Variants in ANXA7 observed in about 807,000 individuals in gnomAD.
The protein encoded by ANXA7 is annexin VII.
ANXA7 carries 55 observed loss-of-function variants against 64.9 expected under a neutral mutation model. That is an observed-to-expected ratio of 0.85 (90% confidence interval 0.68 to 1.06). ANXA7 has a LOEUF of 1.06. Among genes scored for constraint, ANXA7 ranks in the 50% least tolerant of loss-of-function variants. ANXA7 has a pLI of 0.00. For missense variants in ANXA7, 548 were observed against 582.1 expected (o/e 0.94, Z 0.60); for synonymous variants, 200 against 192.4 (o/e 1.04, Z -0.33).
chr10:73,396,413 T>C, intron 5 of ANXA7, 106 bp downstream of exon 5: 1 of 795,396 alleles, frequency 1.3e-6, no homozygotes. Flanking sequence ...TAGTCTTCCA[T>C]TACTATAATG....
chr10:73,379,754 G>T (rs925476357), intron 11 of ANXA7, 125 bp downstream of exon 11: 2 of 921,064 alleles, frequency 2.2e-6, no homozygotes, highest in East Asian at 2.4e-5. Flanking sequence ...AACCCCAAAG[G>T]ATTAGATCAG....
chr10:73,402,243 T>C (rs570921767), intron 1 of ANXA7, among the ~76,000 whole-genome samples: 1 of 152,036 alleles, frequency 6.6e-6, no homozygotes, highest in African/African-American at 2.4e-5. Flanking sequence ...GGCTGGAGTA[T>C]AGTGGCACAA....
chr10:73,379,105 C>A, intron 11 of ANXA7, 82 bp from the exon 12 acceptor site: 1 of 911,024 alleles, frequency 1.1e-6, no homozygotes, highest in Non-Finnish European at 1.6e-6. Context: ...CACTTATAGC[C>A]TGCCTTTGAT....
rs111464796 is a variant in ANXA7, at chr10:73,395,806, C to A, written c.435+713G>T. 741 of 564,910 alleles carry A rather than the reference C, an allele frequency of 1.3e-3. 4 individuals are homozygous for A. Among genetic ancestry groups the A allele is most frequent in the African/African-American group, 9.0e-3 (465 of 51,820 alleles). The allele number at this position is 564,910 out of a possible 1,614,324, so 35.0% of individuals were successfully genotyped here. On this transcript the variant is annotated intron_variant, in intron 5 of 12. Transcript: ENST00000372921. Reference sequence around the variant, plus strand: ...CATCTCAAAAAAAAAAAAAAAGAAGCCATACGGAGTAGGGCAAATATTTGA... The same window carrying A: ...CATCTCAAAAAAAAAAAAAAAGAAGACATACGGAGTAGGGCAAATATTTGA...
intron 7 of ANXA7, 72 bp downstream of exon 7, chr10:73,387,617 A>G: frequency 2.6e-6 from 3 of 1,175,590 alleles, no homozygotes; most frequent in East Asian, 2.3e-5. Flanking sequence ...ATCAAAATAT[A>G]GTATCCAATC....
At chr10:73,408,446 C>T (rs1473708820) in intron 1 of ANXA7, 1 of 151,600 alleles carries the variant, frequency 6.6e-6, no homozygotes, top group Non-Finnish European at 1.5e-5. Flanking sequence ...ATTTGAAAGG[C>T]AATATGCAGT....
At chr10:73,412,129 G>A (rs903216492) in intron 1 of ANXA7, among the ~76,000 whole-genome samples, 2 of 152,120 alleles carry the variant, frequency 1.3e-5, no homozygotes, top group South Asian at 4.1e-4. Flanking sequence ...CTCCGCCTCC[G>A]GGGTTCAAGA....
At chr10:73,408,923 A>G (rs71471624) in intron 1 of ANXA7, among the ~76,000 whole-genome samples, 1 of 152,214 alleles carries the variant, frequency 6.6e-6, no homozygotes, top group Non-Finnish European at 1.5e-5. Context: ...AAAAACAAAA[A>G]CCATATGATC....
intron 5 of ANXA7, chr10:73,396,232 C>T (rs1204587909): frequency 2.9e-6 from 2 of 679,828 alleles, no homozygotes; most frequent in Non-Finnish European, 5.1e-6. Context: ...CTGGTAAGGG[C>T]AAGGAAGAGG....
In ANXA7 at chr10:73,382,902, A is replaced by T. The variant is rs187894977; in HGVS notation, c.918+273T>A. On this transcript the variant is annotated intron_variant, in intron 9 of 12. Coordinates refer to ENST00000372921, the MANE Select transcript of ANXA7 (RefSeq NM_001156.5). ...GTGATAAGCTCAAATGTACAGTTTC[A>T]TCCCCATCCCAGCCACAGAGCCTCG... Among the ~76,000 whole-genome samples, 266 of 152,242 alleles carry T rather than the reference A, an allele frequency of 1.7e-3. 3 individuals are homozygous for T. Among genetic ancestry groups the T allele is most frequent in the African/African-American group, 6.0e-3 (251 of 41,538 alleles).
At chr10:73,388,500 T>G (rs1174681200) in intron 5 of ANXA7, 86 bp from the exon 6 acceptor site, 2 of 1,028,622 alleles carry the variant, frequency 1.9e-6, no homozygotes, top group Non-Finnish European at 3.0e-6. Context: ...GACATCAATC[T>G]TAAGTAAGAA....
intron 5 of ANXA7, among the ~76,000 whole-genome samples, chr10:73,392,612 C>G (rs1358427369): frequency 1.3e-5 from 2 of 152,200 alleles, no homozygotes; most frequent in East Asian, 3.8e-4. Flanking sequence ...ACATGACTAT[C>G]TCAATAGATG....
At position 73,387,794 on chromosome 10, in the gene ANXA7, C is replaced by A; in HGVS notation, c.539-11G>T. On this transcript the variant is annotated splice_polypyrimidine_tract_variant and intron_variant, in intron 6 of 12. Transcript: ENST00000372921. ...CCTGCTCATCTGTCCCTGGAAGAAC[C>A]ACACATGTTTAAGTAAGGACAAAGT... 1 of 1,606,880 alleles carries A rather than the reference C, an allele frequency of 6.2e-7. No homozygotes were observed. The highest frequency in any genetic ancestry group is 1.4e-5 in the African/African-American group (1 of 74,008).
intron 5 of ANXA7, among the ~76,000 whole-genome samples, chr10:73,391,544 C>T (rs1416642219): frequency 1.3e-5 from 2 of 152,082 alleles, no homozygotes; most frequent in South Asian, 2.1e-4. Context: ...CCCAGCATTT[C>T]GAGGCTGCAG....
intron 7 of ANXA7, among the ~76,000 whole-genome samples, chr10:73,385,163 G>A (rs552257708): frequency 2.0e-5 from 3 of 152,302 alleles, no homozygotes; most frequent in Admixed American, 6.5e-5. Context: ...CATAATAGAT[G>A]AGTTAAAACA....
chr10:73,403,697 G>A (rs1272778656), intron 1 of ANXA7, among the ~76,000 whole-genome samples: 1 of 152,204 alleles, frequency 6.6e-6, no homozygotes. Context: ...TTGCTGAGAA[G>A]GGGTAAAGGT....
rs570184435 is a variant in ANXA7, at chr10:73,400,082, G to A, written c.54+721C>T. On this transcript the variant is annotated intron_variant, in intron 2 of 12. Transcript: ENST00000372921. ...CACTTGAACCCAGGAGGCATAAGTTGCAGTGAGCTGAGATCACACCACTGC... is the reference window on the plus strand; with the variant it reads ...CACTTGAACCCAGGAGGCATAAGTTACAGTGAGCTGAGATCACACCACTGC... Among the ~76,000 whole-genome samples, 3 of 152,090 alleles carry A rather than the reference G, an allele frequency of 2.0e-5. No homozygotes were observed. In the East Asian group the frequency reaches 5.8e-4, roughly 29 times the overall value.
chr10:73,401,625 G>A (rs539907034), intron 1 of ANXA7, among the ~76,000 whole-genome samples: 6 of 151,998 alleles, frequency 3.9e-5, no homozygotes, highest in South Asian at 2.1e-4. Flanking sequence ...TCAGCCTCCC[G>A]AGTAGCTGGG....
intron 9 of ANXA7, among the ~76,000 whole-genome samples, chr10:73,382,414 T>C (rs1379757527): frequency 6.6e-6 from 1 of 152,146 alleles, no homozygotes; most frequent in African/African-American, 2.4e-5. Context: ...GCGATCACAG[T>C]TCACTGCAGC....
Sources: allele counts gnomAD v4.1 joint callset (sites outside exome capture counted in the v4.1 genomes callset), GRCh38; gene constraint gnomAD v4.1.1; transcripts MANE v1.5; gene names NCBI Gene and HGNC (gene_info 2026-07-23, HGNC 2026-07-21).